Variants in DAP3 observed in about 807,000 individuals in gnomAD.
The protein encoded by DAP3 is small ribosomal subunit protein mS29.
DAP3 carries 28 observed loss-of-function variants against 51.9 expected under a neutral mutation model. That is an observed-to-expected ratio of 0.54 (90% CI 0.40 to 0.74). The LOEUF is 0.74. DAP3 is among the 30% of genes least tolerant of loss of function. The probability of loss-of-function intolerance (pLI) is 0.00; values close to 1 mark genes in which losing one functional copy is unlikely to be tolerated. For synonymous variants in DAP3, 170 were observed against 170.3 expected, an observed-to-expected ratio of 1.00 and a Z score of 0.01; for missense variants, 458 against 483.5, an observed-to-expected ratio of 0.95 and a Z score of 0.49.
At chr1:155,725,612 C>A (rs1658487202) in intron 5 of DAP3, 122 bp downstream of exon 5, 1 of 960,372 alleles carries the variant, frequency 1.0e-6, no homozygotes, top group Non-Finnish European at 1.6e-6. Context: ...CCTATAATCC[C>A]AGGAGTTTGG....
In DAP3 at chr1:155,720,704, G is replaced by T. The variant is rs118037036; in HGVS notation, c.169-813G>T. 1.1e-3 allele frequency among the ~76,000 whole-genome samples: 167 copies of T among 151,658 alleles called. 2 individuals carry two copies. The East Asian group carries it at 0.029, about 27-fold the overall frequency. On this transcript the variant is annotated intron_variant, in intron 3 of 12. Coordinates refer to ENST00000368336, the MANE Select transcript of DAP3 (RefSeq NM_004632.4). Reference sequence around the variant, plus strand: ...AAACACATAAAGACATGAGTGAATAGCAGGCCTTATCCAATTTTCAAAGTC... The same window carrying T: ...AAACACATAAAGACATGAGTGAATATCAGGCCTTATCCAATTTTCAAAGTC...
chr1:155,690,180 G>A (rs1313537374), intron 1 of DAP3, among the ~76,000 whole-genome samples: 1 of 141,602 alleles, frequency 7.1e-6, no homozygotes, highest in Non-Finnish European at 1.5e-5. Flanking sequence ...TTTTTAAAGA[G>A]TAGGTAATGT....
intron 1 of DAP3, among the ~76,000 whole-genome samples, chr1:155,691,028 C>T (rs1653749343): frequency 7.0e-6 from 1 of 142,110 alleles, no homozygotes; most frequent in African/African-American, 3.2e-5. Flanking sequence ...CTACCTCAGC[C>T]TCCTGAGTAG....
At chr1:155,688,300 T>TC (rs778715969), upstream of DAP3, 41 of 1,568,048 alleles carry the variant, frequency 2.6e-5, no homozygotes, top group Non-Finnish European at 3.4e-5. Context: ...TCGTTTCCCC[T>TC]CGCAAAGCGA....
intron 6 of DAP3, 115 bp downstream of exon 6, chr1:155,726,134 A>G (rs544216321): frequency 8.3e-4 from 671 of 811,882 alleles, no homozygotes; most frequent in Non-Finnish European, 1.1e-3. Context: ...TTTTTTTGAG[A>G]TGGAGTTTCG....
At chr1:155,734,539 T>C (rs1356503901) in intron 11 of DAP3, among the ~76,000 whole-genome samples, 1 of 152,182 alleles carries the variant, frequency 6.6e-6, no homozygotes, top group Non-Finnish European at 1.5e-5. Flanking sequence ...ACCCCTCTTA[T>C]ACTTCCCATG....
rs137947986 is a variant in DAP3, at chr1:155,728,289, C to G, written c.603+551C>G. On this transcript the variant is annotated intron_variant, in intron 7 of 12. Coordinates refer to ENST00000368336, the MANE Select transcript of DAP3 (RefSeq NM_004632.4). ...AGAAAGCATTCACTTTGGTCAGGCA[C>G]AGGGGCTCACACCTGTAATGTCAGC... Among the ~76,000 whole-genome samples, 396 of 152,258 alleles carry G rather than the reference C, an allele frequency of 2.6e-3. 1 individual carries two copies. Among genetic ancestry groups the G allele is most frequent in the African/African-American group, 9.1e-3 (377 of 41,560 alleles).
intron 1 of DAP3, among the ~76,000 whole-genome samples, chr1:155,697,170 T>C (rs348196): frequency 0.37 from 56,243 of 152,062 alleles, 12,655 homozygotes; most frequent in East Asian, 0.69. Context: ...TGCTGCAGGG[T>C]GAGCCTGAAT....
chr1:155,695,589 G>A (rs946809755), intron 1 of DAP3, among the ~76,000 whole-genome samples: 2 of 152,160 alleles, frequency 1.3e-5, no homozygotes, highest in African/African-American at 2.4e-5. Flanking sequence ...GGAAAATCCC[G>A]AGCACACACA....
chr1:155,700,806 G>A (rs1198311228), intron 1 of DAP3, among the ~76,000 whole-genome samples: 1 of 127,018 alleles, frequency 7.9e-6, no homozygotes, highest in South Asian at 2.7e-4. Context: ...GCCTCTGCCC[G>A]GCCGCCCCTA....
chr1:155,710,429 A>T (rs149863930), intron 2 of DAP3: 3,165 of 152,234 alleles, frequency 0.021, 46 homozygotes, highest in Non-Finnish European at 0.031. Flanking sequence ...ACGGTGTTTC[A>T]TCATATTAGC....
intron 1 of DAP3, among the ~76,000 whole-genome samples, chr1:155,696,952 G>T (rs1174422984): frequency 6.6e-6 from 1 of 152,220 alleles, no homozygotes; most frequent in African/African-American, 2.4e-5. Flanking sequence ...TGGTTGTAAA[G>T]CTCCCATTGG....
intron 11 of DAP3, 22 bp downstream of exon 11, chr1:155,732,055 T>C (rs1659288858): frequency 6.3e-7 from 1 of 1,589,452 alleles, no homozygotes; most frequent in African/African-American, 1.4e-5. Context: ...GGAAAATTTG[T>C]TTCTACTTAG....
chr1:155,736,936 T>C lies in DAP3; in HGVS notation c.994-10T>C, dbSNP rs1328919757. 6.2e-7 allele frequency: 1 copy of C among 1,600,600 alleles called. No individual in the cohort carries two copies. Among genetic ancestry groups the C allele is most frequent in the Non-Finnish European group, 8.6e-7 (1 of 1,167,934 alleles). On this transcript the variant is annotated splice_polypyrimidine_tract_variant and intron_variant, in intron 11 of 12. Coordinates refer to ENST00000368336, the MANE Select transcript of DAP3 (RefSeq NM_004632.4). The stretch of plus-strand genomic sequence containing the variant: ...AACTAACATGTTTCCTGATCCTTTT[T>C]CTTCCCCAGGAAGGATTTGATGCCC...
chr1:155,688,798 C>T, upstream of DAP3: 1 of 1,549,614 alleles, frequency 6.5e-7, no homozygotes, highest in South Asian at 1.2e-5. Context: ...GCGCCTCCCA[C>T]AGTCCCCACC....
chr1:155,704,160 G>A (rs1223510325), intron 1 of DAP3, among the ~76,000 whole-genome samples: 2 of 152,148 alleles, frequency 1.3e-5, no homozygotes, highest in African/African-American at 4.8e-5. Flanking sequence ...AAATAATCAA[G>A]TAGTGAGGAA....
chr1:155,716,822 C>T (rs112343005), intron 2 of DAP3, among the ~76,000 whole-genome samples, 184 bp from the exon 3 acceptor site: 9,902 of 151,908 alleles, frequency 0.065, 402 homozygotes, highest in African/African-American at 0.11. Flanking sequence ...TGGCGCACGC[C>T]TGTAATCCCA....
intron 1 of DAP3, among the ~76,000 whole-genome samples, chr1:155,695,417 A>G (rs1301122778): frequency 6.6e-6 from 1 of 152,128 alleles, no homozygotes; most frequent in Non-Finnish European, 1.5e-5. Flanking sequence ...TTTCCACATA[A>G]TTTGATAGTT....
intron 1 of DAP3, among the ~76,000 whole-genome samples, chr1:155,703,786 G>A (rs1054579865): frequency 8.5e-5 from 13 of 152,192 alleles, no homozygotes; most frequent in East Asian, 3.8e-4. Flanking sequence ...ATCCACCCAC[G>A]TTGGCATCCC....
Sources: gnomAD v4.1 joint callset for allele counts (sites outside exome capture counted in the v4.1 genomes callset) on GRCh38, gnomAD v4.1.1 for gene constraint, MANE v1.5 for transcripts, NCBI Gene and HGNC (gene_info 2026-07-23, HGNC 2026-07-21) for gene names.